GNAO1: variants seen among roughly 807,000 people sequenced by gnomAD.
The protein encoded by GNAO1 is G protein subunit alpha o1, also known as guanine nucleotide-binding protein G(o) subunit alpha.
For missense variants in GNAO1, 166 were observed against 478.7 expected, an observed-to-expected ratio of 0.35 and a Z score of 6.10; for synonymous variants, 164 against 180.7, an observed-to-expected ratio of 0.91 and a Z score of 0.74.
At chr16:56,228,090 G>A (rs1260306708) in intron 2 of GNAO1, among the ~76,000 whole-genome samples, 1 of 152,206 alleles carries the variant, frequency 6.6e-6, no homozygotes, top group Non-Finnish European at 1.5e-5. Context: ...CCCACGGTTG[G>A]CATGACCAGA....
Position 56,221,415 on chromosome 16 carries a change from C to T in GNAO1, c.161+28799C>T, listed in dbSNP as rs545920526. Among the ~76,000 whole-genome samples the T allele has an allele frequency of 3.9e-5, 6 of 152,008 alleles. No individual in the cohort carries two copies. In the South Asian group the frequency reaches 8.3e-4, roughly 21 times the overall value. On this transcript the variant is annotated intron_variant, in intron 2 of 8. Transcript: ENST00000262493. ...CTGTAATACCAACACTTTGGGAAGC[C>T]AAAGTGGGTGGATCCCTTGAGGTCA...
intron 2 of GNAO1, among the ~76,000 whole-genome samples, chr16:56,246,378 T>A (rs2036744174): frequency 6.6e-6 from 1 of 152,208 alleles, no homozygotes; most frequent in Non-Finnish European, 1.5e-5. Context: ...ATGTCTGTTC[T>A]TGGTAACATG....
intron 4 of GNAO1, among the ~76,000 whole-genome samples, chr16:56,332,572 C>T (rs2037700050): frequency 6.6e-6 from 1 of 152,228 alleles, no homozygotes; most frequent in Non-Finnish European, 1.5e-5. Flanking sequence ...GGAACACAGG[C>T]CCTGGGAAGG....
intron 2 of GNAO1, among the ~76,000 whole-genome samples, chr16:56,211,140 G>C (rs925707724): frequency 1.3e-5 from 2 of 152,208 alleles, no homozygotes; most frequent in African/African-American, 4.8e-5. Context: ...GTTAGGGAAA[G>C]CCAGGTGGGG....
intron 2 of GNAO1, among the ~76,000 whole-genome samples, chr16:56,229,060 C>T (rs2036562143): frequency 6.6e-6 from 1 of 152,124 alleles, no homozygotes; most frequent in Non-Finnish European, 1.5e-5. Context: ...TTTTATATAA[C>T]CCAATGCTAC....
chr16:56,306,578 C>G (rs1179248671), intron 3 of GNAO1, among the ~76,000 whole-genome samples: 1 of 152,208 alleles, frequency 6.6e-6, no homozygotes, highest in African/African-American at 2.4e-5. Flanking sequence ...TGCAGACACA[C>G]AGACCAGCCT....
intron 2 of GNAO1, among the ~76,000 whole-genome samples, chr16:56,212,686 G>T (rs1395294971): frequency 6.6e-6 from 1 of 152,198 alleles, no homozygotes; most frequent in Non-Finnish European, 1.5e-5. Context: ...ACAGGATTAA[G>T]TATGTAAAAA....
intron 3 of GNAO1, among the ~76,000 whole-genome samples, chr16:56,315,912 A>C (rs1309671588): frequency 6.6e-6 from 1 of 152,064 alleles, no homozygotes; most frequent in African/African-American, 2.4e-5. Context: ...TACAAAAATT[A>C]GCCGGGCATG....
At chr16:56,231,945 C>T (rs1373787069) in intron 2 of GNAO1, among the ~76,000 whole-genome samples, 1 of 152,062 alleles carries the variant, frequency 6.6e-6, no homozygotes, top group African/African-American at 2.4e-5. Context: ...AGTGCTTTTC[C>T]CATCTGGTTG....
chr16:56,322,903 G>A (rs1034818145), intron 3 of GNAO1, among the ~76,000 whole-genome samples: 21 of 152,146 alleles, frequency 1.4e-4, no homozygotes, highest in African/African-American at 3.1e-4. Flanking sequence ...TCCTGCAGAC[G>A]TGGCTGAGCA....
chr16:56,271,485 G>T (rs1380135018), intron 2 of GNAO1, among the ~76,000 whole-genome samples: 2 of 152,110 alleles, frequency 1.3e-5, no homozygotes, highest in Non-Finnish European at 2.9e-5. Context: ...ACAGAGTCTC[G>T]CTCTGTCGCC....
intron 4 of GNAO1, among the ~76,000 whole-genome samples, chr16:56,332,971 G>C (rs866872017): frequency 6.6e-6 from 1 of 152,228 alleles, no homozygotes; most frequent in Non-Finnish European, 1.5e-5. Flanking sequence ...ACTGGCTGGC[G>C]AGGAGGCTGT....
At chr16:56,294,952 A>G (rs2037270419) in intron 3 of GNAO1, among the ~76,000 whole-genome samples, 1 of 151,702 alleles carries the variant, frequency 6.6e-6, no homozygotes, top group South Asian at 2.1e-4. Context: ...CTTCCCTTTT[A>G]TTGGGTTGTT....
intron 2 of GNAO1, among the ~76,000 whole-genome samples, chr16:56,210,595 T>G (rs1315867159): frequency 6.6e-6 from 1 of 152,270 alleles, no homozygotes; most frequent in African/African-American, 2.4e-5. Context: ...TGTCCGTTTT[T>G]GGATTTTGTC....
chr16:56,233,178 G>C (rs147589990), intron 2 of GNAO1, among the ~76,000 whole-genome samples: 135 of 152,316 alleles, frequency 8.9e-4, no homozygotes, highest in African/African-American at 2.6e-3. Context: ...TGAGATCTGT[G>C]TTTAACATTT....
intron 4 of GNAO1, among the ~76,000 whole-genome samples, chr16:56,331,036 G>A (rs186671599): frequency 1.1e-3 from 173 of 152,340 alleles, no homozygotes; most frequent in African/African-American, 3.9e-3. Context: ...CAAAGTCTTG[G>A]GCCCAGTATA....
At position 56,326,681 on chromosome 16, in the gene GNAO1, G is replaced by A. The variant is rs1281264561; in HGVS notation, c.304-1950G>A. ...GGAGGGCAAGGAAGCCGGGTTATTT[G>A]CCCATTCCTGTCTGTCCGGGGCACC... On this transcript the variant is annotated intron_variant, in intron 3 of 8. Coordinates refer to ENST00000262493, the MANE Select transcript of GNAO1 (RefSeq NM_020988.3). This position sits in a 1 kb window ranked among gnomAD's most constrained non-coding sequence, Gnocchi z 4.8. Among the ~76,000 whole-genome samples, 1 of 152,204 alleles carries A rather than the reference G, an allele frequency of 6.6e-6. No individual in the cohort carries two copies. The highest frequency in any genetic ancestry group is 1.5e-5 in the Non-Finnish European group (1 of 68,022).
At chr16:56,214,781 A>G (rs2036423751) in intron 2 of GNAO1, among the ~76,000 whole-genome samples, 1 of 152,202 alleles carries the variant, frequency 6.6e-6, no homozygotes, top group African/African-American at 2.4e-5. Context: ...AGCTGTCCAC[A>G]ATTCTCACTT....
At chr16:56,233,271 GT>G (rs1383309627) in intron 2 of GNAO1, among the ~76,000 whole-genome samples, 1 of 152,202 alleles carries the variant, frequency 6.6e-6, no homozygotes, top group East Asian at 1.9e-4. Context: ...CAGTGACTTT[GT>G]TTTGTTCACT....
Sources: allele counts gnomAD v4.1 joint callset (sites outside exome capture counted in the v4.1 genomes callset), GRCh38; gene constraint gnomAD v4.1.1; non-coding constraint Gnocchi (gnomAD v3.1); transcripts MANE v1.5; gene names NCBI Gene and HGNC (gene_info 2026-07-23, HGNC 2026-07-21).